PCDHA4: variants seen among roughly 807,000 people sequenced by gnomAD.
PCDHA4 encodes protocadherin alpha 4, also known as protocadherin alpha-4.
A neutral mutation model predicts 61.4 loss-of-function variants in PCDHA4; 49 were observed. The ratio of observed to expected loss-of-function variants is 0.80; its 90% CI spans 0.63 to 1.01. The LOEUF (loss-of-function observed/expected upper bound fraction) is 1.01. Ranked by LOEUF, PCDHA4 falls within the 50% of genes least tolerant of loss-of-function variation. The pLI, the probability that PCDHA4 is intolerant of heterozygous loss-of-function variation, is 0.00. For missense variants in PCDHA4, 1,254 were observed against 1,235.8 expected (o/e 1.01, Z -0.22); for synonymous variants, 590 against 550.3 (o/e 1.07, Z -1.01).
chr5:140,851,549 T>A (rs2042091129), intron 1 of PCDHA4: 1 of 908,826 alleles, frequency 1.1e-6, no homozygotes, highest in African/African-American at 1.8e-5. Flanking sequence ...ATTCAAGAAA[T>A]GTTGACTGAA....
rs1417392698 is a variant in PCDHA4 at position 140,999,864 on chromosome 5, T to G, written c.2534-9763T>G. Among the ~76,000 whole-genome samples, 46 of 152,148 alleles carry G rather than the reference T, an allele frequency of 3.0e-4. 1 individual carries two copies. ...TGTATTTATCTCTTCCGCTCCAAGATTACTGAAAATTAGCCCAGCTGTAGC... is the reference window on the plus strand; with the variant it reads ...TGTATTTATCTCTTCCGCTCCAAGAGTACTGAAAATTAGCCCAGCTGTAGC... On this transcript the variant is annotated intron_variant, in intron 3 of 3. Coordinates refer to ENST00000530339, the MANE Select transcript of PCDHA4 (RefSeq NM_018907.4).
At chr5:140,877,193 G>A (rs1554169443) in intron 1 of PCDHA4, 1 of 1,613,832 alleles carries the variant, frequency 6.2e-7, no homozygotes, top group Non-Finnish European at 8.5e-7. Context: ...GGCAGCGCAG[G>A]AGGCGCAGTT....
At chr5:140,984,965 T>G (rs2097128606) in intron 3 of PCDHA4, among the ~76,000 whole-genome samples, 1 of 151,666 alleles carries the variant, frequency 6.6e-6, no homozygotes, top group Non-Finnish European at 1.5e-5. Context: ...TGAGACAGAG[T>G]CTCGCTCTGT....
intron 1 of PCDHA4, among the ~76,000 whole-genome samples, chr5:140,833,258 A>G (rs2150207264): frequency 1.3e-5 from 2 of 152,334 alleles, no homozygotes; most frequent in South Asian, 4.1e-4. Flanking sequence ...CCAGGAGAGC[A>G]GCAATTATAA....
chr5:140,894,821 C>A (rs1303468240), intron 1 of PCDHA4, among the ~76,000 whole-genome samples: 1 of 151,806 alleles, frequency 6.6e-6, no homozygotes, highest in African/African-American at 2.4e-5. Flanking sequence ...TCAGATTTGC[C>A]CATAATCCTT....
chr5:140,992,377 A>T (rs1258714441), intron 3 of PCDHA4, among the ~76,000 whole-genome samples: 1 of 152,150 alleles, frequency 6.6e-6, no homozygotes, highest in African/African-American at 2.4e-5. Flanking sequence ...CCATTACATT[A>T]TTGTGTTCTG....
intron 1 of PCDHA4, among the ~76,000 whole-genome samples, chr5:140,926,033 G>A (rs1554203080): frequency 6.6e-6 from 1 of 152,070 alleles, no homozygotes; most frequent in Non-Finnish European, 1.5e-5. Flanking sequence ...AGTTTGATGC[G>A]GACACTATTC....
intron 1 of PCDHA4, chr5:140,823,507 G>C (rs1426749221): frequency 6.2e-7 from 1 of 1,613,236 alleles, no homozygotes; most frequent in Non-Finnish European, 8.5e-7. Flanking sequence ...CGCAGTGAGC[G>C]AGCTGGTGCC....
chr5:140,839,928 G>A (rs1237791336), intron 1 of PCDHA4, among the ~76,000 whole-genome samples: 1 of 152,036 alleles, frequency 6.6e-6, no homozygotes, highest in Non-Finnish European at 1.5e-5. Context: ...CTTGAACAAA[G>A]AGTGTGCCAA....
rs782031063 is a variant in PCDHA4 at position 140,808,432 on chromosome 5, C to T, written c.1245C>T (p.Arg415=). Residue 415 remains arginine, a synonymous_variant, in exon 1 of 4, where the codon CGC becomes CGT. Transcript: ENST00000530339. Reference sequence around the variant, plus strand: ...TGGTGCTGGACAGTGCCCTGGACCGCGAGAGCGTGTCAGCCTATGAGCTGG... The same window carrying T: ...TGGTGCTGGACAGTGCCCTGGACCGTGAGAGCGTGTCAGCCTATGAGCTGG... ...YSLVLDSALD[R]ESVSAYELVV... 2.4e-5 allele frequency: 39 copies of T among 1,614,166 alleles called. No individual in the cohort carries two copies. The East Asian group carries it at 8.2e-4, about 34-fold the overall frequency.
intron 1 of PCDHA4, chr5:140,836,063 C>T (rs2150251706): frequency 6.2e-7 from 1 of 1,613,542 alleles, no homozygotes; most frequent in East Asian, 2.2e-5. Flanking sequence ...ACGAGAACGA[C>T]AACGCGCCGG....
At chr5:140,831,424 A>G (rs2150194380) in intron 1 of PCDHA4, among the ~76,000 whole-genome samples, 13 of 151,636 alleles carry the variant, frequency 8.6e-5, no homozygotes, top group Non-Finnish European at 1.6e-4. Flanking sequence ...CAGTGGTGCA[A>G]TAATGGCTCA....
rs2150182143 is a variant in PCDHA4, at chr5:140,830,158, A to C, written c.2385+20586A>C. 4 of 1,613,420 alleles carry C rather than the reference A, an allele frequency of 2.5e-6. No individual in the cohort carries two copies. In the Admixed American group the frequency reaches 5.0e-5, roughly 20 times the overall value. On this transcript the variant is annotated intron_variant, in intron 1 of 3. Coordinates refer to ENST00000530339, the MANE Select transcript of PCDHA4 (RefSeq NM_018907.4). ...GGGCGTCGGTGGGCGCCGCGGGCCC[A>C]GAGGCGGCGCTGGTGGATGTCAACG...
At chr5:140,835,595 C>G (rs1241128064) in intron 1 of PCDHA4, 25 of 1,613,818 alleles carry the variant, frequency 1.5e-5, no homozygotes, top group Admixed American at 5.0e-5. Context: ...TCAAGAATTA[C>G]TATTCATTGG....
chr5:140,886,844 A>AAG (rs2061185449), intron 1 of PCDHA4, among the ~76,000 whole-genome samples: 1 of 150,634 alleles, frequency 6.6e-6, no homozygotes, highest in Non-Finnish European at 1.5e-5. Flanking sequence ...AAAAAAAAAA[A>AAG]AAAGAAAGGT....
chr5:140,883,707 A>C, intron 1 of PCDHA4: 1 of 1,613,636 alleles, frequency 6.2e-7, no homozygotes. Context: ...GTGTCTGCTC[A>C]GGACGCGGAC....
intron 1 of PCDHA4, chr5:140,883,984 C>T: frequency 2.5e-6 from 4 of 1,612,818 alleles, no homozygotes. Context: ...GGGCTGGCAG[C>T]GCGGGAGGCA....
chr5:140,834,168 A>G, intron 1 of PCDHA4: 1 of 548,726 alleles, frequency 1.8e-6, no homozygotes, highest in Non-Finnish European at 3.2e-6. Flanking sequence ...ATTCTTACTT[A>G]CATGATGGCC....
intron 3 of PCDHA4, among the ~76,000 whole-genome samples, chr5:140,999,132 T>TC (rs2153955890): frequency 6.6e-6 from 1 of 152,278 alleles, no homozygotes; most frequent in African/African-American, 2.4e-5. Context: ...CTGGAAAATG[T>TC]CACAGCCGGA....
Sources: gnomAD v4.1 joint callset for allele counts (sites outside exome capture counted in the v4.1 genomes callset) on GRCh38, gnomAD v4.1.1 for gene constraint, MANE v1.5 for transcripts, NCBI Gene and HGNC (gene_info 2026-07-23, HGNC 2026-07-21) for gene names.